The following VWA8 variants were observed in gnomAD, a reference collection of about 807,000 sequenced individuals.
VWA8 encodes the protein von Willebrand factor A domain-containing protein 8.
Under a neutral mutation model 241.5 loss-of-function variants are expected in VWA8, and 221 were observed. The observed-to-expected ratio is 0.91, with a 90% CI of 0.82 to 1.02. The LOEUF is 1.02. VWA8 is among the 50% of genes least tolerant of loss of function. The probability of loss-of-function intolerance (pLI) is 0.00; values close to 1 mark genes in which losing one functional copy is unlikely to be tolerated. For missense variants in VWA8, 2,322 were observed against 2,328.7 expected (o/e 1.00, Z 0.06); for synonymous variants, 852 against 827.1 (o/e 1.03, Z -0.52).
intron 37 of VWA8, among the ~76,000 whole-genome samples, chr13:41,655,381 G>C (rs1245677047): frequency 2.6e-5 from 4 of 151,964 alleles, no homozygotes; most frequent in Non-Finnish European, 5.9e-5. Context: ...GAGCCACCAC[G>C]CCCAGCCAGT....
At chr13:41,598,684 G>C (rs1308863328) in intron 40 of VWA8, among the ~76,000 whole-genome samples, 1 of 151,910 alleles carries the variant, frequency 6.6e-6, no homozygotes, top group Admixed American at 6.6e-5. Flanking sequence ...AGAATTCTTG[G>C]GTCACAAGAA....
At position 41,850,434 on chromosome 13, in the gene VWA8, C is replaced by A. The variant is rs968019952; in HGVS notation, c.1425+15302G>T. Among the ~76,000 whole-genome samples the A allele has an allele frequency of 2.6e-5, 4 of 152,142 alleles. No individual in the cohort carries two copies. The East Asian group carries it at 7.7e-4, about 29-fold the overall frequency. On this transcript the variant is annotated intron_variant, in intron 12 of 44. Coordinates refer to ENST00000379310, the MANE Select transcript of VWA8 (RefSeq NM_015058.2). ...CCAGGACCCAGCTCATACCCATGTA[C>A]CCTGGTTCCAGGACCACCATAGTGC...
intron 37 of VWA8, among the ~76,000 whole-genome samples, chr13:41,635,410 G>T (rs1180646922): frequency 6.6e-6 from 1 of 152,182 alleles, no homozygotes; most frequent in Non-Finnish European, 1.5e-5. Flanking sequence ...GTTTGCATCT[G>T]AGCTATTTTT....
At chr13:41,901,889 AATAT>A (rs869081141) in intron 4 of VWA8, among the ~76,000 whole-genome samples, 97 of 83,326 alleles carry the variant, frequency 1.2e-3, no homozygotes, top group African/African-American at 2.7e-3. Context: ...AAAAAAAAAA[AATAT>A]ATATATATAT....
chr13:41,836,832 A>G (rs1871753143), intron 12 of VWA8, among the ~76,000 whole-genome samples: 1 of 152,212 alleles, frequency 6.6e-6, no homozygotes, highest in Non-Finnish European at 1.5e-5. Flanking sequence ...GCAGATCAAT[A>G]TAGCTCACCG....
At chr13:41,577,193 G>A (rs1226454013) in intron 42 of VWA8, among the ~76,000 whole-genome samples, 3 of 152,242 alleles carry the variant, frequency 2.0e-5, no homozygotes, top group Non-Finnish European at 4.4e-5. Context: ...CACCTCATGG[G>A]AGGGTCATGG....
At chr13:41,882,622 C>T (rs372869240) in intron 9 of VWA8, among the ~76,000 whole-genome samples, 2 of 152,304 alleles carry the variant, frequency 1.3e-5, no homozygotes, top group East Asian at 1.9e-4. Context: ...GCCAACACAG[C>T]GAAACCCCGT....
chr13:41,727,129 TAC>T, intron 24 of VWA8, 63 bp downstream of exon 24: 1 of 1,251,156 alleles, frequency 8.0e-7, no homozygotes, highest in Non-Finnish European at 1.1e-6. Context: ...TGACAGCCAT[TAC>T]AGCAGTGTTA....
chr13:41,733,178 C>T (rs765157716), intron 21 of VWA8, among the ~76,000 whole-genome samples: 1 of 152,130 alleles, frequency 6.6e-6, no homozygotes, highest in South Asian at 2.1e-4. Flanking sequence ...AACTTTACTA[C>T]AATCTATTAA....
chr13:41,679,767 AATTTTCATCAGAGATCT>A (rs907470431), intron 35 of VWA8, among the ~76,000 whole-genome samples: 5 of 151,452 alleles, frequency 3.3e-5, no homozygotes, highest in African/African-American at 1.2e-4. Context: ...TTCTAGCTTG[AATTTTCATCAGAGATCT>A]ACATGCACAT....
chr13:41,618,467 T>C (rs2044635858), intron 37 of VWA8, among the ~76,000 whole-genome samples: 1 of 152,222 alleles, frequency 6.6e-6, no homozygotes, highest in Non-Finnish European at 1.5e-5. Flanking sequence ...GTGCAGAAGC[T>C]CTTTAGTTTA....
At chr13:41,884,722 C>T (rs1874430505) in intron 8 of VWA8, among the ~76,000 whole-genome samples, 1 of 151,576 alleles carries the variant, frequency 6.6e-6, no homozygotes, top group African/African-American at 2.4e-5. Context: ...ATGTTCTAAG[C>T]AAAAACAAAA....
At chr13:41,612,329 C>A in intron 38 of VWA8, among the ~76,000 whole-genome samples, 1 of 152,274 alleles carries the variant, frequency 6.6e-6, no homozygotes, top group East Asian at 1.9e-4. Context: ...ATTATTACAC[C>A]AACTTTGACT....
At chr13:41,765,198 T>C (rs2045771362) in intron 20 of VWA8, among the ~76,000 whole-genome samples, 1 of 152,076 alleles carries the variant, frequency 6.6e-6, no homozygotes, top group Non-Finnish European at 1.5e-5. Flanking sequence ...AGTCTAGTTA[T>C]AAAAGGCAGT....
intron 40 of VWA8, among the ~76,000 whole-genome samples, chr13:41,601,417 AGG>A (rs1189175878): frequency 1.3e-5 from 2 of 152,150 alleles, no homozygotes; most frequent in Non-Finnish European, 2.9e-5. Flanking sequence ...GAAACACCAC[AGG>A]GGAAAAAAGG....
At chr13:41,685,312 GC>G in intron 34 of VWA8, 70 bp from the exon 35 acceptor site, 1 of 1,400,506 alleles carries the variant, frequency 7.1e-7, no homozygotes, top group Admixed American at 2.3e-5. Context: ...TAACAACGCA[GC>G]CCTTTAAGCA....
chr13:41,855,818 T>A (rs1207505711), intron 12 of VWA8, among the ~76,000 whole-genome samples: 2 of 152,146 alleles, frequency 1.3e-5, no homozygotes, highest in African/African-American at 4.8e-5. Context: ...AACGTGACTT[T>A]AAAAACCCCA....
intron 9 of VWA8, among the ~76,000 whole-genome samples, chr13:41,875,344 C>T (rs1309136170): frequency 1.3e-5 from 2 of 152,042 alleles, no homozygotes; most frequent in African/African-American, 4.8e-5. Context: ...AGCTAGGGCA[C>T]ATTTTCCATG....
chr13:41,625,736 A>ATGCCCAAAGGATTATAAATCATGC (rs2044685667), intron 37 of VWA8, among the ~76,000 whole-genome samples: 1 of 152,110 alleles, frequency 6.6e-6, no homozygotes, highest in African/African-American at 2.4e-5. Flanking sequence ...TACTGGGTAT[A>ATGCCCAAAGGATTATAAATCATGC]TGCCCAAAGG....
Sources: gnomAD v4.1 joint callset for allele counts (sites outside exome capture counted in the v4.1 genomes callset) on GRCh38, gnomAD v4.1.1 for gene constraint, MANE v1.5 for transcripts, NCBI Gene and HGNC (gene_info 2026-07-23, HGNC 2026-07-21) for gene names.